The following BRINP1 variants were observed in gnomAD, a reference collection of about 807,000 sequenced individuals.
BRINP1 encodes BMP/retinoic acid inducible neural specific 1, also known as BMP/retinoic acid-inducible neural-specific protein 1.
A neutral mutation model predicts 72.9 loss-of-function variants in BRINP1; 17 were observed. The observed-to-expected ratio is 0.23, with a 90% CI of 0.16 to 0.35. The LOEUF is 0.35. Ranked by LOEUF, BRINP1 falls within the 10% of genes least tolerant of loss-of-function variation. The probability of loss-of-function intolerance (pLI) is 1.00; values close to 1 mark genes in which losing one functional copy is unlikely to be tolerated. For missense variants in BRINP1, 850 were observed against 1,001.6 expected, an observed-to-expected ratio of 0.85 and a Z score of 2.04; for synonymous variants, 418 against 378.5, an observed-to-expected ratio of 1.10 and a Z score of -1.21.
chr9:119,336,216 A>G (rs1250100700), intron 1 of BRINP1, among the ~76,000 whole-genome samples: 1 of 152,164 alleles, frequency 6.6e-6, no homozygotes, highest in East Asian at 1.9e-4. Context: ...TATTTTATGA[A>G]AAAGGAAATC....
chr9:119,288,300 A>C (rs1375054729), intron 2 of BRINP1, among the ~76,000 whole-genome samples: 1 of 152,218 alleles, frequency 6.6e-6, no homozygotes, highest in Admixed American at 6.5e-5. Context: ...TTGAAAGCCA[A>C]ATATATAAAT....
intron 7 of BRINP1, among the ~76,000 whole-genome samples, chr9:119,190,469 C>T (rs1484965503): frequency 2.0e-5 from 3 of 149,242 alleles, no homozygotes; most frequent in Admixed American, 6.6e-5. Context: ...AAAGTGGAGA[C>T]ACTACAACAG....
rs557224909 is a variant in BRINP1 at position 119,167,837 on chromosome 9, G to A, written c.1533C>T (p.Arg511=). ...ACCGAGGGTCAAAGAAGGTGTCGAG[G>A]CGGATCTCGTTGCTGATGAAGGTGG... ...VHTTFISNEI[R]LDTFFDPRWR... is the part of the protein sequence containing the mutation. The change falls in exon 8 of 8, where the codon CGC becomes CGT. Residue 511 remains arginine (R), a synonymous_variant. Coordinates refer to ENST00000265922, the MANE Select transcript of BRINP1 (RefSeq NM_014618.3). The surrounding 1 kb of genome is among the most constrained non-coding windows in gnomAD (Gnocchi z 4.3). 1 of 1,614,204 alleles carries A rather than the reference G, an allele frequency of 6.2e-7. No individual in the cohort carries two copies. Among genetic ancestry groups the A allele is most frequent in the South Asian group, 1.1e-5 (1 of 91,088 alleles).
At chr9:119,220,138 T>C (rs1336562906) in intron 5 of BRINP1, among the ~76,000 whole-genome samples, 3 of 152,226 alleles carry the variant, frequency 2.0e-5, no homozygotes, top group Non-Finnish European at 2.9e-5. Flanking sequence ...GGAAATAGCA[T>C]TTCTTATAGT....
At chr9:119,291,731 G>A (rs980371022) in intron 2 of BRINP1, among the ~76,000 whole-genome samples, 11 of 152,304 alleles carry the variant, frequency 7.2e-5, no homozygotes, top group East Asian at 3.9e-4. Flanking sequence ...CAGATGAGAC[G>A]TCTGAGGATG....
chr9:119,310,748 C>T (rs1440929239), intron 2 of BRINP1, among the ~76,000 whole-genome samples: 2 of 152,060 alleles, frequency 1.3e-5, no homozygotes, highest in African/African-American at 2.4e-5. Context: ...AAGTTTGTAA[C>T]GTGCCGTGTC....
At chr9:119,186,747 C>T (rs778121886) in intron 7 of BRINP1, among the ~76,000 whole-genome samples, 3 of 152,194 alleles carry the variant, frequency 2.0e-5, no homozygotes, top group Non-Finnish European at 4.4e-5. Flanking sequence ...GAGGCCCTAC[C>T]TCCAATGCGC....
In BRINP1 at chr9:119,279,574, G is replaced by A. The variant is rs562261929; in HGVS notation, c.219-30424C>T. Among the ~76,000 whole-genome samples, 3 of 152,296 alleles carry A rather than the reference G, an allele frequency of 2.0e-5. No individual in the cohort carries two copies. In the East Asian group the frequency reaches 5.8e-4, roughly 29 times the overall value. ...ACACATGTCTCAAATGAAACCCATG[G>A]AAAACCCTTCAGAGGTAGCCAAAGC... On this transcript the variant is annotated intron_variant, in intron 2 of 7. Coordinates refer to ENST00000265922, the MANE Select transcript of BRINP1 (RefSeq NM_014618.3).
At chr9:119,358,658 C>T (rs1031917251) in intron 1 of BRINP1, among the ~76,000 whole-genome samples, 1 of 152,124 alleles carries the variant, frequency 6.6e-6, no homozygotes, top group Non-Finnish European at 1.5e-5. Context: ...CACACCACTG[C>T]ACTCCAGCGT....
chr9:119,252,361 A>G (rs1225188926), intron 2 of BRINP1, among the ~76,000 whole-genome samples: 2 of 152,046 alleles, frequency 1.3e-5, no homozygotes, highest in African/African-American at 4.8e-5. Context: ...GTTTTAAGTC[A>G]CTGAATTGTG....
intron 5 of BRINP1, among the ~76,000 whole-genome samples, chr9:119,230,200 TG>T (rs1327148396): frequency 6.6e-6 from 1 of 152,052 alleles, no homozygotes; most frequent in Admixed American, 6.6e-5. Flanking sequence ...GTCTGGAGCA[TG>T]GATATGGTAT....
At chr9:119,248,354 G>T (rs1377782061) in intron 3 of BRINP1, among the ~76,000 whole-genome samples, 6 of 152,178 alleles carry the variant, frequency 3.9e-5, no homozygotes, top group African/African-American at 1.4e-4. Flanking sequence ...AGCATCTAAA[G>T]GCACTAGTCT....
At chr9:119,184,850 T>C (rs1829598680) in intron 7 of BRINP1, among the ~76,000 whole-genome samples, 1 of 152,142 alleles carries the variant, frequency 6.6e-6, no homozygotes. Flanking sequence ...TTTATACTGT[T>C]AATCTTCCTC....
At chr9:119,215,057 G>C (rs947418411) in intron 5 of BRINP1, among the ~76,000 whole-genome samples, 1 of 152,122 alleles carries the variant, frequency 6.6e-6, no homozygotes. Context: ...CATAATTAGA[G>C]TGATATAATT....
At chr9:119,183,793 G>A (rs999276153) in intron 7 of BRINP1, among the ~76,000 whole-genome samples, 2 of 152,144 alleles carry the variant, frequency 1.3e-5, no homozygotes, top group Non-Finnish European at 2.9e-5. Context: ...GCTGGGTTGA[G>A]AGAGTATCAT....
rs561917760 is a variant in BRINP1 at position 119,193,854 on chromosome 9, C to A, written c.1145+14865G>T. Among the ~76,000 whole-genome samples, 7 of 152,264 alleles carry A rather than the reference C, an allele frequency of 4.6e-5. No individual in the cohort carries two copies. The East Asian group carries it at 7.8e-4, about 17-fold the overall frequency. ...TGAATCTGGGAAGATCCTACAGTGG[C>A]TTTGACCAATGTAGTAAGCCAGAAG... is the stretch of plus-strand genomic sequence containing the variant. On this transcript the variant is annotated intron_variant, in intron 7 of 7. Transcript: ENST00000265922.
chr9:119,193,540 G>A (rs1829703422), intron 7 of BRINP1, among the ~76,000 whole-genome samples: 1 of 152,104 alleles, frequency 6.6e-6, no homozygotes, highest in African/African-American at 2.4e-5. Flanking sequence ...TGTTAAATAG[G>A]TAGATTTTAG....
In BRINP1 at chr9:119,255,273, G is replaced by A. The variant is rs1310684634; in HGVS notation, c.219-6123C>T. 2.6e-5 allele frequency among the ~76,000 whole-genome samples: 4 copies of A among 152,184 alleles called. No homozygotes were observed. In the East Asian group the frequency reaches 7.7e-4, roughly 29 times the overall value. On this transcript the variant is annotated intron_variant, in intron 2 of 7. Transcript: ENST00000265922. The stretch of plus-strand genomic sequence containing the variant: ...TGGAGGAGAAGGCAGAACTCACAAT[G>A]GCATAGGATCTGTGGAATATGCTTA...
intron 2 of BRINP1, among the ~76,000 whole-genome samples, chr9:119,250,045 A>G (rs1365809819): frequency 6.3e-4 from 43 of 68,062 alleles, no homozygotes; most frequent in South Asian, 2.5e-3. Context: ...AAGGAAGGAG[A>G]GAGAGAGGGA....
Sources: allele counts gnomAD v4.1 joint callset (sites outside exome capture counted in the v4.1 genomes callset), GRCh38; gene constraint gnomAD v4.1.1; non-coding constraint Gnocchi (gnomAD v3.1); transcripts MANE v1.5; gene names NCBI Gene and HGNC (gene_info 2026-07-23, HGNC 2026-07-21).